PPARGC1A: variants seen among roughly 807,000 people sequenced by gnomAD.
PPARGC1A encodes the protein PPARG coactivator 1 alpha, also known as peroxisome proliferator-activated receptor gamma coactivator 1-alpha.
PPARGC1A carries 25 observed loss-of-function variants against 88.7 expected under a neutral mutation model. That is an observed-to-expected ratio of 0.28 (90% CI 0.21 to 0.39). The LOEUF is 0.39. Among genes scored for constraint, PPARGC1A ranks in the 10% least tolerant of loss-of-function variants. The pLI is 1.00. For missense variants in PPARGC1A, 880 were observed against 968.7 expected (o/e 0.91, Z 1.22); for synonymous variants, 363 against 355.6 (o/e 1.02, Z -0.24).
the PPARGC1A span, among the ~76,000 whole-genome samples, chr4:24,471,147 G>C: frequency 6.6e-6 from 1 of 151,680 alleles, no homozygotes; most frequent in Non-Finnish European, 1.5e-5. This position sits in a 1 kb window ranked among gnomAD's most constrained non-coding sequence, Gnocchi z 5.4. Context: ...TCTTTTCCTC[G>C]ACACCCCCCA....
At chr4:24,135,424 C>T in the PPARGC1A span, among the ~76,000 whole-genome samples, 1 of 152,136 alleles carries the variant, frequency 6.6e-6, no homozygotes, top group East Asian at 1.9e-4. Flanking sequence ...CCCATCACCA[C>T]GGAGAGCCCT....
At chr4:23,882,051 T>C (rs112313440) in intron 2 of PPARGC1A, 4,815 of 152,348 alleles carry the variant, frequency 0.032, 111 homozygotes, top group Non-Finnish European at 0.05. Context: ...AGTTTAACAC[T>C]AGAGGGCAAA....
the PPARGC1A span, among the ~76,000 whole-genome samples, chr4:24,095,336 C>T: frequency 6.6e-6 from 1 of 151,974 alleles, no homozygotes. Flanking sequence ...AGGCAGGTCT[C>T]GAACTCCTGA....
chr4:24,062,653 C>T, the PPARGC1A span, among the ~76,000 whole-genome samples: 5 of 152,180 alleles, frequency 3.3e-5, no homozygotes, highest in East Asian at 1.9e-4. Flanking sequence ...CATGGTTCTT[C>T]GTCAGAGCTT....
chr4:24,335,489 C>G, the PPARGC1A span, among the ~76,000 whole-genome samples: 1 of 152,142 alleles, frequency 6.6e-6, no homozygotes, highest in Non-Finnish European at 1.5e-5. Flanking sequence ...CCACAAATAT[C>G]AGAAGTCTTT....
chr4:24,077,624 G>GGTGTGTGTGTGTGTGTGTGT, the PPARGC1A span, among the ~76,000 whole-genome samples: 2 of 130,902 alleles, frequency 1.5e-5, no homozygotes, highest in African/African-American at 2.9e-5. Flanking sequence ...TGTGTCTAGG[G>GGTGTGTGTGTGTGTGTGTGT]GTGTGTGTGT....
the PPARGC1A span, among the ~76,000 whole-genome samples, chr4:24,271,080 T>G: frequency 2.6e-5 from 4 of 152,218 alleles, no homozygotes; most frequent in Admixed American, 2.0e-4. Flanking sequence ...ATTATGGTAG[T>G]AAACATTAAC....
Position 23,795,115 on chromosome 4 carries a change from C to T in PPARGC1A, c.*707G>A, listed in dbSNP as rs1408825883. 6.7e-6 allele frequency: 1 copy of T among 149,590 alleles called. No homozygotes were observed. The highest frequency in any genetic ancestry group is 1.5e-5 in the Non-Finnish European group (1 of 67,552). The allele number at this position is 149,590 out of a possible 1,614,324, so 9.3% of individuals were successfully genotyped here. On this transcript the variant is annotated 3_prime_UTR_variant, in exon 13 of 13. Transcript: ENST00000264867. Reference sequence around the variant, plus strand: ...AGTTCTATGGAACCTGTGGTTTCTTCAGGATTGTCATATAATCATTACGTT... The same window carrying T: ...AGTTCTATGGAACCTGTGGTTTCTTTAGGATTGTCATATAATCATTACGTT...
the PPARGC1A span, among the ~76,000 whole-genome samples, chr4:23,910,371 TTATATTA>T: frequency 4.1e-5 from 4 of 97,532 alleles, no homozygotes; most frequent in African/African-American, 1.3e-4. Flanking sequence ...ATATATTATA[TTATATTA>T]TATATATTAT....
At chr4:24,444,921 C>T in the PPARGC1A span, among the ~76,000 whole-genome samples, 64 of 152,108 alleles carry the variant, frequency 4.2e-4, 1 homozygote, top group South Asian at 8.3e-4. Flanking sequence ...GACGTGGTGG[C>T]GCACACCTGT....
At chr4:24,012,707 A>T in the PPARGC1A span, among the ~76,000 whole-genome samples, 1 of 152,174 alleles carries the variant, frequency 6.6e-6, no homozygotes, top group African/African-American at 2.4e-5. Context: ...TTACTCATTC[A>T]GATCAGGTGG....
the PPARGC1A span, among the ~76,000 whole-genome samples, chr4:24,455,076 T>C: frequency 6.6e-6 from 1 of 152,114 alleles, no homozygotes; most frequent in Non-Finnish European, 1.5e-5. Context: ...CATAGTAATG[T>C]CTAAAAAAAC....
chr4:24,204,368 C>T, the PPARGC1A span, among the ~76,000 whole-genome samples: 9 of 152,154 alleles, frequency 5.9e-5, no homozygotes, highest in Admixed American at 2.6e-4. Flanking sequence ...CCTTTGTATT[C>T]GTCACCATTG....
At chr4:23,867,300 C>T (rs942015257) in intron 2 of PPARGC1A, among the ~76,000 whole-genome samples, 3 of 152,266 alleles carry the variant, frequency 2.0e-5, no homozygotes, top group East Asian at 1.9e-4. Context: ...AATTCTGTGT[C>T]GTAGGCATTA....
At chr4:24,190,813 TC>T in the PPARGC1A span, among the ~76,000 whole-genome samples, 11 of 152,124 alleles carry the variant, frequency 7.2e-5, no homozygotes, top group Admixed American at 5.9e-4. Flanking sequence ...CAGCCCTCAT[TC>T]CCTTCTCAAG....
At chr4:24,446,407 C>T in the PPARGC1A span, among the ~76,000 whole-genome samples, 1 of 151,976 alleles carries the variant, frequency 6.6e-6, no homozygotes, top group Admixed American at 6.6e-5. Flanking sequence ...AGTCTTTAGC[C>T]TGTTTTTTAA....
chr4:23,907,713 T>G (rs1335890212), upstream of PPARGC1A, among the ~76,000 whole-genome samples: 1 of 151,062 alleles, frequency 6.6e-6, no homozygotes, highest in Non-Finnish European at 1.5e-5. Context: ...TCGCACTATA[T>G]AAATGCCCTT....
the PPARGC1A span, among the ~76,000 whole-genome samples, chr4:24,166,870 A>G: frequency 6.6e-6 from 1 of 152,230 alleles, no homozygotes; most frequent in African/African-American, 2.4e-5. Flanking sequence ...GAGCCCTGAT[A>G]TAAATATACA....
chr4:24,081,677 T>G, the PPARGC1A span, among the ~76,000 whole-genome samples: 1 of 152,044 alleles, frequency 6.6e-6, no homozygotes, highest in Non-Finnish European at 1.5e-5. Flanking sequence ...GCATTTAAAG[T>G]GCCACACTCT....
Sources: allele counts gnomAD v4.1 joint callset (sites outside exome capture counted in the v4.1 genomes callset), GRCh38; gene constraint gnomAD v4.1.1; non-coding constraint Gnocchi (gnomAD v3.1); transcripts MANE v1.5; gene names NCBI Gene and HGNC (gene_info 2026-07-23, HGNC 2026-07-21).